Variants in TMX2 observed in about 807,000 individuals in gnomAD.
TMX2 encodes the protein thioredoxin-related transmembrane protein 2.
TMX2 carries 20 observed loss-of-function variants against 33.4 expected under a neutral mutation model. The observed-to-expected ratio is 0.60, with a 90% CI of 0.42 to 0.87. TMX2 has a LOEUF of 0.87. TMX2 is among the 40% of genes least tolerant of loss of function. The probability of loss-of-function intolerance (pLI) is 0.00; values close to 1 mark genes in which losing one functional copy is unlikely to be tolerated. For missense variants in TMX2, 340 were observed against 370.7 expected, an observed-to-expected ratio of 0.92 and a Z score of 0.68; for synonymous variants, 166 against 140.7, an observed-to-expected ratio of 1.18 and a Z score of -1.27.
intron 1 of TMX2, among the ~76,000 whole-genome samples, chr11:57,717,071 C>A (rs1300760321): frequency 6.7e-6 from 1 of 148,366 alleles, no homozygotes; most frequent in Non-Finnish European, 1.5e-5. Flanking sequence ...GACGGGGCGG[C>A]GGGGCAGAGG....
chr11:57,738,504 G>A, intron 4 of TMX2, 74 bp downstream of exon 4: 1 of 1,315,746 alleles, frequency 7.6e-7, no homozygotes, highest in Non-Finnish European at 1.1e-6. Flanking sequence ...CCATTCACTA[G>A]GAGGAACAAC....
At chr11:57,729,449 T>C (rs547908111) in intron 1 of TMX2, among the ~76,000 whole-genome samples, 9 of 152,122 alleles carry the variant, frequency 5.9e-5, no homozygotes, top group African/African-American at 1.7e-4. Context: ...AATTAATAGC[T>C]ATGGGAACTG....
rs776810183 is a variant in TMX2, at chr11:57,712,645, T to C, written c.27T>C (p.Ala9=). Residue 9 remains alanine (A), a synonymous_variant, in exon 1 of 8, where the codon GCT becomes GCC. Transcript: ENST00000278422. MAVLAPLI[A]LVYSVPRLSR... ...TGGCGGTCTTGGCACCTCTAATTGC[T>C]CTCGTGTATTCGGTGCCGCGACTTT... The C allele has an allele frequency of 1.2e-6, 2 of 1,614,066 alleles. No homozygotes were observed. Among genetic ancestry groups the C allele is most frequent in the Non-Finnish European group, 1.7e-6 (2 of 1,179,994 alleles).
At chr11:57,718,306 A>G in intron 1 of TMX2, 4 of 1,553,598 alleles carry the variant, frequency 2.6e-6, no homozygotes, top group Non-Finnish European at 3.5e-6. Flanking sequence ...CCATAGATGG[A>G]CTTGCCACCA....
chr11:57,729,077 A>G (rs1948185172), intron 1 of TMX2, among the ~76,000 whole-genome samples: 1 of 151,830 alleles, frequency 6.6e-6, no homozygotes, highest in South Asian at 2.1e-4. Flanking sequence ...CCACACATCA[A>G]TCCACCACAC....
At chr11:57,720,296 T>C (rs955802737) in intron 1 of TMX2, among the ~76,000 whole-genome samples, 1 of 152,218 alleles carries the variant, frequency 6.6e-6, no homozygotes, top group African/African-American at 2.4e-5. Context: ...GATACATGTG[T>C]CTATATATGT....
intron 1 of TMX2, among the ~76,000 whole-genome samples, chr11:57,726,567 T>C (rs1012695196): frequency 2.0e-5 from 3 of 152,206 alleles, no homozygotes; most frequent in African/African-American, 7.2e-5. Flanking sequence ...ACTATAAGTC[T>C]TTTGACTCTT....
At chr11:57,716,144 TC>T (rs1361257755) in intron 1 of TMX2, among the ~76,000 whole-genome samples, 1 of 151,694 alleles carries the variant, frequency 6.6e-6, no homozygotes, top group African/African-American at 2.4e-5. Context: ...GCTCCTCACT[TC>T]CTAGTAGGGG....
rs554402467 is a variant in TMX2, at chr11:57,716,185, G to A, written c.189+3378G>A. On this transcript the variant is annotated intron_variant, in intron 1 of 7. Coordinates refer to ENST00000278422, the MANE Select transcript of TMX2 (RefSeq NM_015959.4). ...CGGGCAGAGGCGCCCCTCACCTCCC[G>A]GACCGGGCGGCTGGCCGGGCGGGGG... is the stretch of plus-strand genomic sequence containing the variant. Among the ~76,000 whole-genome samples, 1,367 of 151,556 alleles carry A rather than the reference G, an allele frequency of 9.0e-3. 21 individuals carry two copies. Among genetic ancestry groups the A allele is most frequent in the African/African-American group, 0.032 (1,313 of 41,358 alleles).
At chr11:57,721,754 T>C (rs1947646297) in intron 1 of TMX2, among the ~76,000 whole-genome samples, 1 of 152,196 alleles carries the variant, frequency 6.6e-6, no homozygotes, top group Admixed American at 6.5e-5. Flanking sequence ...ATATTTACTT[T>C]CAAAAATAGG....
At chr11:57,718,576 C>T in intron 1 of TMX2, 2 of 606,144 alleles carry the variant, frequency 3.3e-6, no homozygotes, top group Non-Finnish European at 6.0e-6. Context: ...AGCCTCTTTG[C>T]CCAACTTTTT....
chr11:57,715,030 G>A (rs887859813), intron 1 of TMX2, among the ~76,000 whole-genome samples: 7 of 152,160 alleles, frequency 4.6e-5, no homozygotes, highest in South Asian at 2.1e-4. Flanking sequence ...TACCCAGTCC[G>A]GTGATACAGT....
At chr11:57,739,372 G>A (rs1257893967) in intron 7 of TMX2, 112 bp downstream of exon 7, 12 of 1,105,442 alleles carry the variant, frequency 1.1e-5, no homozygotes, top group Admixed American at 9.5e-5. Flanking sequence ...CTTTGAGGGT[G>A]TGGACTAGTT....
rs563806058 is a variant in TMX2 at position 57,718,283 on chromosome 11, A to T, written c.189+5476A>T. 23 of 1,548,076 alleles carry T rather than the reference A, an allele frequency of 1.5e-5. No homozygotes were observed. The South Asian group carries it at 2.4e-4, about 16-fold the overall frequency. ...TATGCTTTAGGATGAAGTTCTCATC[A>T]TCAAATTTCTCCCCATAGATGGACT... is the stretch of plus-strand genomic sequence containing the variant. On this transcript the variant is annotated intron_variant, in intron 1 of 7. Coordinates refer to ENST00000278422, the MANE Select transcript of TMX2 (RefSeq NM_015959.4).
chr11:57,714,602 A>AT (rs904211700), intron 1 of TMX2, among the ~76,000 whole-genome samples: 16 of 150,252 alleles, frequency 1.1e-4, no homozygotes, highest in South Asian at 4.2e-4. Flanking sequence ...AGTTTTTTGG[A>AT]TTTTTTTTTG....
At chr11:57,733,349 G>A (rs192635032) in intron 1 of TMX2, among the ~76,000 whole-genome samples, 7 of 148,970 alleles carry the variant, frequency 4.7e-5, no homozygotes, top group Non-Finnish European at 1.0e-4. Context: ...TCCGCCTCTC[G>A]GGTTCAAGCG....
At chr11:57,739,754 GA>G (rs778726557) in intron 7 of TMX2, among the ~76,000 whole-genome samples, 3,863 of 141,786 alleles carry the variant, frequency 0.027, 145 homozygotes, top group African/African-American at 0.09. Context: ...ACTCCATCAG[GA>G]AAAAAAAAAA....
chr11:57,738,210 TGTAGAG>T, intron 3 of TMX2, 138 bp from the exon 4 acceptor site: 1 of 752,860 alleles, frequency 1.3e-6, no homozygotes, highest in Admixed American at 2.4e-5. Context: ...AGACTGTTAT[TGTAGAG>T]GTAGGGAATG....
At chr11:57,735,836 G>C (rs1372834475) in intron 1 of TMX2, among the ~76,000 whole-genome samples, 1 of 152,216 alleles carries the variant, frequency 6.6e-6, no homozygotes, top group Non-Finnish European at 1.5e-5. Context: ...AGAGGACACA[G>C]AAACTATGCA....
Sources: allele counts gnomAD v4.1 joint callset (sites outside exome capture counted in the v4.1 genomes callset), GRCh38; gene constraint gnomAD v4.1.1; transcripts MANE v1.5; gene names NCBI Gene and HGNC (gene_info 2026-07-23, HGNC 2026-07-21).